The following BMP1 variants were observed in gnomAD, a reference collection of about 807,000 sequenced individuals.
BMP1 encodes mammalian tolloid protein.
In BMP1, 63 loss-of-function variants were observed where a neutral mutation model predicts 116.8. The observed-to-expected ratio is 0.54, with a 90% CI of 0.44 to 0.67. The LOEUF is 0.67. Among genes scored for constraint, BMP1 ranks in the 30% least tolerant of loss-of-function variants. BMP1 has a pLI of 0.00. For missense variants in BMP1, 1,183 were observed against 1,358.9 expected (o/e 0.87, Z 2.04); for synonymous variants, 536 against 533.4 (o/e 1.00, Z -0.07).
chr8:22,190,529 G>C (rs1159988258), intron 8 of BMP1, among the ~76,000 whole-genome samples: 2 of 152,206 alleles, frequency 1.3e-5, no homozygotes, highest in East Asian at 3.8e-4. Context: ...GACAATTTTC[G>C]ATGAAGCCGG....
chr8:22,184,357 C>T (rs73225847), intron 8 of BMP1, among the ~76,000 whole-genome samples: 7,269 of 152,336 alleles, frequency 0.048, 276 homozygotes, highest in Admixed American at 0.093. Flanking sequence ...GCATCTCTCT[C>T]TGCCTTGGGG....
intron 15 of BMP1, chr8:22,201,372 G>A (rs1829259057): frequency 1.6e-5 from 23 of 1,467,592 alleles, no homozygotes; most frequent in Admixed American, 1.0e-4. Context: ...GCCCGTCCGC[G>A]GACCGGGGAC....
chr8:22,176,796 C>G, intron 4 of BMP1, 146 bp downstream of exon 4: 2 of 1,007,292 alleles, frequency 2.0e-6, no homozygotes, highest in East Asian at 2.5e-5. Flanking sequence ...GAACTGCCCC[C>G]TGTGCGGCTG....
Position 22,194,984 on chromosome 8 carries a change from C to A in BMP1, c.1639+65C>A. 1 of 1,483,834 alleles carries A rather than the reference C, an allele frequency of 6.7e-7. No homozygotes were observed. Among genetic ancestry groups the A allele is most frequent in the Non-Finnish European group, 9.2e-7 (1 of 1,092,776 alleles). The allele number at this position is 1,483,834 out of a possible 1,614,324, so 91.9% of individuals were successfully genotyped here. On this transcript the variant is annotated intron_variant, in intron 12 of 19. Coordinates refer to ENST00000306385, the MANE Select transcript of BMP1 (RefSeq NM_006129.5). This position sits in a 1 kb window ranked among gnomAD's most constrained non-coding sequence, Gnocchi z 4.5. ...GTGACCTTCATCCCTTCTTCACTCA[C>A]TCATTCAACACGGAGACTCCAGGAG...
intron 12 of BMP1, among the ~76,000 whole-genome samples, chr8:22,195,200 A>C (rs1244249474): frequency 6.6e-6 from 1 of 152,134 alleles, no homozygotes; most frequent in Non-Finnish European, 1.5e-5. Flanking sequence ...TCAGTTTCTC[A>C]TCTGTAAAAT....
chr8:22,196,432 A>G (rs1454484462), intron 13 of BMP1: 2 of 606,788 alleles, frequency 3.3e-6, no homozygotes, highest in African/African-American at 1.8e-5. Context: ...GTTCATTTGC[A>G]GAGAAGATAG....
chr8:22,190,201 A>G (rs1342985869), intron 8 of BMP1, among the ~76,000 whole-genome samples: 1 of 152,246 alleles, frequency 6.6e-6, no homozygotes, highest in Non-Finnish European at 1.5e-5. Flanking sequence ...TTGGGATTAC[A>G]GGAGTGAACT....
Position 22,194,866 on chromosome 8 carries a change from T to G in BMP1, c.1586T>G (p.Phe529Cys). The change falls in exon 12 of 20, where the codon TTC becomes TGC. Residue 529 changes from phenylalanine to cysteine, a missense_variant. Coordinates refer to ENST00000306385, the MANE Select transcript of BMP1 (RefSeq NM_006129.5). The surrounding 1 kb of genome is among the most constrained non-coding windows in gnomAD (Gnocchi z 4.5). The stretch of plus-strand genomic sequence containing the variant: ...ACGTCCAGCCGCCTCTGGCTCAAGT[T>G]CGTCTCTGACGGGTCCATTAACAAA... ...KSTSSRLWLK[F>C]VSDGSINKAG... 1 of 1,614,032 alleles carries G rather than the reference T, an allele frequency of 6.2e-7. No individual in the cohort carries two copies. Among genetic ancestry groups the G allele is most frequent in the Non-Finnish European group, 8.5e-7 (1 of 1,179,996 alleles).
At chr8:22,169,773 C>G (rs1828222999) in intron 1 of BMP1, 1 of 152,238 alleles carries the variant, frequency 6.6e-6, no homozygotes, top group South Asian at 2.1e-4. Flanking sequence ...CTTGCCATGC[C>G]CTGGGGGAGG....
At chr8:22,178,795 C>T (rs1018722971) in intron 6 of BMP1, among the ~76,000 whole-genome samples, 3 of 152,086 alleles carry the variant, frequency 2.0e-5, no homozygotes, top group African/African-American at 7.2e-5. Flanking sequence ...CTCCCTCCTC[C>T]TCAAACTCCT....
At position 22,194,594 on chromosome 8, in the gene BMP1, G is replaced by A; in HGVS notation, c.1443+4G>A. 1 of 1,614,012 alleles carries A rather than the reference G, an allele frequency of 6.2e-7. No homozygotes were observed. The highest frequency in any genetic ancestry group is 1.1e-5 in the South Asian group (1 of 91,060). ...CCTCACATTCCAGTCCTTTGAGGTA[G>A]GTCAGTGGCCCTGTGATCTGACCTT... On this transcript the variant is annotated splice_donor_region_variant and intron_variant, in intron 11 of 19. Transcript: ENST00000306385. This position sits in a 1 kb window ranked among gnomAD's most constrained non-coding sequence, Gnocchi z 4.5.
At chr8:22,196,540 G>C in intron 13 of BMP1, 140 bp from the exon 14 acceptor site, 1 of 1,317,430 alleles carries the variant, frequency 7.6e-7, no homozygotes, top group Non-Finnish European at 1.1e-6. Context: ...GTCCGCCCCA[G>C]AGGGACCAGA....
At chr8:22,208,597 G>A (rs753576201) in intron 18 of BMP1, among the ~76,000 whole-genome samples, 9 of 152,248 alleles carry the variant, frequency 5.9e-5, no homozygotes, top group Non-Finnish European at 8.8e-5. Flanking sequence ...CCAGGTGACA[G>A]CAGGTCATTT....
At position 22,211,842 on chromosome 8, in the gene BMP1, T is replaced by A. The variant is rs1337537524; in HGVS notation, c.*114T>A. On this transcript the variant is annotated 3_prime_UTR_variant, in exon 20 of 20. Coordinates refer to ENST00000306385, the MANE Select transcript of BMP1 (RefSeq NM_006129.5). Reference sequence around the variant, plus strand: ...TCCCTCTCCCCCAGGCCCCAGGACCTGCAGGGCCAATGGCCTGGTGAGACT... The same window carrying A: ...TCCCTCTCCCCCAGGCCCCAGGACCAGCAGGGCCAATGGCCTGGTGAGACT... The A allele has an allele frequency of 2.6e-6, 4 of 1,519,500 alleles. No individual in the cohort carries two copies. In the Admixed American group the frequency reaches 7.0e-5, roughly 27 times the overall value. The allele number at this position is 1,519,500 out of a possible 1,614,324, so 94.1% of individuals were successfully genotyped here. A position where few individuals can be genotyped will look rare whatever the true frequency, so the allele number is the denominator to read the frequency against.
At position 22,165,532 on chromosome 8, in the gene BMP1, T is replaced by G. The variant is rs1448258486; in HGVS notation, c.127T>G (p.Tyr43Asp). Reference sequence around the variant, plus strand: ...GGAGGACGACTCGGAGCCCCTCAACTACAAAGACCCCTGCAAGGCGGGTGA... The same window carrying G: ...GGAGGACGACTCGGAGCCCCTCAACGACAAAGACCCCTGCAAGGCGGGTGA... ...AEEDDSEPLN[Y>D]KDPCKAAAFL... is the part of the protein sequence containing the mutation. The change falls in exon 1 of 20, where the codon TAC (tyrosine) becomes GAC (aspartate). Residue 43 changes from tyrosine (Y) to aspartate (D), a missense_variant. Around this residue, in one of 4 missense-constraint regions of BMP1, gnomAD observed 185 missense variants for 158.9 expected, o/e 1.16. Coordinates refer to ENST00000306385, the MANE Select transcript of BMP1 (RefSeq NM_006129.5). 6.3e-7 allele frequency: 1 copy of G among 1,590,072 alleles called. No homozygotes were observed. The highest frequency in any genetic ancestry group is 8.5e-7 in the Non-Finnish European group (1 of 1,170,610).
chr8:22,201,078 C>A, intron 15 of BMP1: 3 of 1,588,712 alleles, frequency 1.9e-6, no homozygotes, highest in South Asian at 1.1e-5. Flanking sequence ...CCTCCACCCC[C>A]ACCCCTTGGT....
At chr8:22,201,291 C>A (rs1454744200) in intron 15 of BMP1, 15 of 1,526,754 alleles carry the variant, frequency 9.8e-6, no homozygotes, top group South Asian at 7.8e-5. Context: ...ACCAACCCCC[C>A]ACCTCCACTC....
In BMP1 at chr8:22,197,378, A is replaced by G. The variant is rs749406302; in HGVS notation, c.2065A>G (p.Asn689Asp). 1.1e-5 allele frequency: 18 copies of G among 1,612,912 alleles called. No individual in the cohort carries two copies. Among genetic ancestry groups the G allele is most frequent in the Non-Finnish European group, 1.5e-5 (18 of 1,179,084 alleles). Residue 689 changes from asparagine (N) to aspartate (D), a missense_variant, in exon 15 of 20, where the codon AAC (asparagine) becomes GAC (aspartate). By Grantham distance (23) the Asn-to-Asp change is conservative. This residue lies in a region of BMP1 where 956 missense variants were observed against 1,135.2 expected (regional missense o/e 0.84). Coordinates refer to ENST00000306385, the MANE Select transcript of BMP1 (RefSeq NM_006129.5). ...NNMRVEFKSDNTVSKKGFKAH... is the reference protein window; with the variant it reads ...NNMRVEFKSDDTVSKKGFKAH... ...CATGCGCGTGGAGTTCAAGTCCGAC[A>G]ACACCGTGTCCAAAAAGGGCTTCAA...
chr8:22,207,523 T>C lies in BMP1; in HGVS notation c.2575+7T>C. ...CAGGCCTCCCACGCCACAGGTACTG[T>C]CCCCGGTTGTGGGAGTGTTCACTGA... is the stretch of plus-strand genomic sequence containing the variant. On this transcript the variant is annotated splice_region_variant and intron_variant, in intron 18 of 19. Coordinates refer to ENST00000306385, the MANE Select transcript of BMP1 (RefSeq NM_006129.5). 6.2e-7 allele frequency: 1 copy of C among 1,611,990 alleles called. No homozygotes were observed. The highest frequency in any genetic ancestry group is 8.5e-7 in the Non-Finnish European group (1 of 1,179,266).
Sources: gnomAD v4.1 joint callset for allele counts (sites outside exome capture counted in the v4.1 genomes callset) on GRCh38, gnomAD v4.1.1 for gene constraint, gnomAD v4.1.1 regional missense constraint, Gnocchi (gnomAD v3.1) non-coding constraint, MANE v1.5 for transcripts, NCBI Gene and HGNC (gene_info 2026-07-23, HGNC 2026-07-21) for gene names.